Variants in KCNMA1 observed in about 807,000 individuals in gnomAD.
The protein encoded by KCNMA1 is potassium calcium-activated channel subfamily M alpha 1.
A neutral mutation model predicts 140.0 loss-of-function variants in KCNMA1; 29 were observed. The ratio of observed to expected loss-of-function variants is 0.21; its 90% CI spans 0.15 to 0.28. The LOEUF (loss-of-function observed/expected upper bound fraction) is 0.28. KCNMA1 is among the 10% of genes least tolerant of loss of function. KCNMA1 has a pLI of 1.00. For synonymous variants in KCNMA1, 612 were observed against 611.9 expected, an observed-to-expected ratio of 1.00 and a Z score of 0.00; for missense variants, 880 against 1,602.2, an observed-to-expected ratio of 0.55 and a Z score of 7.70.
chr10:77,595,704 T>C (rs927351419), intron 1 of KCNMA1, among the ~76,000 whole-genome samples: 1 of 152,180 alleles, frequency 6.6e-6, no homozygotes, highest in Non-Finnish European at 1.5e-5. Context: ...CTCACTCTGT[T>C]GCCCAGGCTG....
At chr10:77,636,680 GCCCCTCGAAGTC>G (rs1419775591) in intron 1 of KCNMA1, 14 of 1,532,590 alleles carry the variant, frequency 9.1e-6, no homozygotes, top group Non-Finnish European at 1.2e-5. Flanking sequence ...AACTTCTCTC[GCCCCTCGAAGTC>G]CCCCTGTTAT....
intron 19 of KCNMA1, chr10:76,979,992 T>A (rs78718564): frequency 6.6e-6 from 1 of 152,240 alleles, no homozygotes; most frequent in Non-Finnish European, 1.5e-5. Context: ...AATCACCTTC[T>A]ATAGATGTTC....
intron 1 of KCNMA1, among the ~76,000 whole-genome samples, chr10:77,521,897 C>A (rs2053520893): frequency 6.6e-6 from 1 of 152,116 alleles, no homozygotes; most frequent in Non-Finnish European, 1.5e-5. Context: ...ACTCAGGGAC[C>A]AGGCACGGTG....
At chr10:76,906,296 G>T (rs1185304753) in intron 25 of KCNMA1, among the ~76,000 whole-genome samples, 3 of 152,220 alleles carry the variant, frequency 2.0e-5, no homozygotes, top group Non-Finnish European at 4.4e-5. Context: ...TGGTGCGACT[G>T]TGTGCATCAA....
At position 77,596,866 on chromosome 10, in the gene KCNMA1, G is replaced by A. The variant is rs117867325; in HGVS notation, c.378+40399C>T. 1.7e-3 allele frequency among the ~76,000 whole-genome samples: 264 copies of A among 152,268 alleles called. 1 individual carries two copies. The highest frequency in any genetic ancestry group is 3.4e-3 in the Middle Eastern group (1 of 294). On this transcript the variant is annotated intron_variant, in intron 1 of 27. Coordinates refer to ENST00000286628, the MANE Select transcript of KCNMA1 (RefSeq NM_001161352.2). ...GCCAAAAGGCCACACACCTTCCCAC[G>A]GGATGAAGGATTCCAGGGACATCTC...
chr10:77,074,261 A>G (rs183886031), intron 13 of KCNMA1, among the ~76,000 whole-genome samples: 1 of 152,362 alleles, frequency 6.6e-6, no homozygotes, highest in Admixed American at 6.5e-5. Flanking sequence ...GCCATGTGAC[A>G]TTACAGAGAA....
rs2037856744 is a variant in KCNMA1, at chr10:76,887,790, T to C, written c.3462-275A>G. On this transcript the variant is annotated intron_variant, in intron 27 of 27. Transcript: ENST00000286628. ...CAAACTTCGCTTCTCGTGGTCTACA[T>C]GTACCTTTCTATACAAGGTCAAAGT... 9 of 473,916 alleles carry C rather than the reference T, an allele frequency of 1.9e-5. No homozygotes were observed. The South Asian group carries it at 1.9e-4, about 10-fold the overall frequency. The allele number at this position is 473,916 out of a possible 1,614,324, so 29.4% of individuals were successfully genotyped here.
At chr10:77,635,942 A>G (rs1354899975) in intron 1 of KCNMA1, 1 of 163,782 alleles carries the variant, frequency 6.1e-6, no homozygotes, top group African/African-American at 2.4e-5. Context: ...TGGTGTTTTC[A>G]TAGCCAGCCT....
At chr10:77,316,273 C>A (rs566848453) in intron 2 of KCNMA1, among the ~76,000 whole-genome samples, 5 of 152,288 alleles carry the variant, frequency 3.3e-5, no homozygotes, top group African/African-American at 9.6e-5. Context: ...CTGTGCCAAT[C>A]TCAGTCTTCC....
chr10:77,384,670 G>C (rs2095540505), intron 2 of KCNMA1, among the ~76,000 whole-genome samples: 1 of 152,208 alleles, frequency 6.6e-6, no homozygotes. Context: ...CCAAAGGGGA[G>C]GCAATGAAAC....
intron 2 of KCNMA1, among the ~76,000 whole-genome samples, chr10:77,279,045 G>A (rs1361040303): frequency 3.3e-5 from 5 of 152,214 alleles, no homozygotes; most frequent in African/African-American, 1.2e-4. Context: ...GGTTTTTGGG[G>A]GGTGTGTTGT....
intron 29 of KCNMA1, among the ~76,000 whole-genome samples, chr10:76,878,759 T>C (rs758587025): frequency 2.6e-5 from 4 of 152,126 alleles, no homozygotes; most frequent in Non-Finnish European, 5.9e-5. Context: ...GAAAATGGTC[T>C]AGCATCCTCT....
At chr10:77,278,787 G>A (rs181335595) in intron 2 of KCNMA1, among the ~76,000 whole-genome samples, 32 of 152,288 alleles carry the variant, frequency 2.1e-4, no homozygotes, top group Non-Finnish European at 3.2e-4. Context: ...TCATTAAAGC[G>A]TCACAGCTAA....
chr10:77,572,207 T>C (rs2071667894), intron 1 of KCNMA1, among the ~76,000 whole-genome samples: 1 of 152,112 alleles, frequency 6.6e-6, no homozygotes, highest in Non-Finnish European at 1.5e-5. Context: ...TATACACACA[T>C]GATGTGGGCC....
intron 9 of KCNMA1, 63 bp from the exon 10 acceptor site, chr10:77,090,573 C>T (rs2096789490): frequency 9.3e-7 from 1 of 1,078,780 alleles, no homozygotes; most frequent in Non-Finnish European, 1.4e-6. Flanking sequence ...ATCCCACCCC[C>T]TGGCAAGACA....
intron 1 of KCNMA1, among the ~76,000 whole-genome samples, chr10:77,627,968 T>A (rs372489897): frequency 6.6e-6 from 1 of 152,124 alleles, no homozygotes; most frequent in Non-Finnish European, 1.5e-5. Context: ...TCTACTAATC[T>A]ACAAACCTGA....
At chr10:77,371,270 T>G (rs1303866158) in intron 2 of KCNMA1, among the ~76,000 whole-genome samples, 1 of 152,168 alleles carries the variant, frequency 6.6e-6, no homozygotes, top group Non-Finnish European at 1.5e-5. Flanking sequence ...CAGTTGCATA[T>G]GGCCCTGCCT....
In KCNMA1 at chr10:77,364,000, T is replaced by C. The variant is rs1214230212; in HGVS notation, c.540+39862A>G. Among the ~76,000 whole-genome samples, 4 of 152,222 alleles carry C rather than the reference T, an allele frequency of 2.6e-5. No individual in the cohort carries two copies. In the South Asian group the frequency reaches 8.3e-4, roughly 32 times the overall value. On this transcript the variant is annotated intron_variant, in intron 2 of 27. Transcript: ENST00000286628. ...TGAAGCCAGAGAGAATATCTTATTCTCTCGACCAGTTTGCACAATGCCTGA... is the reference window on the plus strand; with the variant it reads ...TGAAGCCAGAGAGAATATCTTATTCCCTCGACCAGTTTGCACAATGCCTGA...
chr10:77,435,358 A>T (rs553795171), intron 1 of KCNMA1, among the ~76,000 whole-genome samples: 31 of 152,348 alleles, frequency 2.0e-4, no homozygotes, highest in African/African-American at 7.0e-4. Context: ...TTTCAAAATA[A>T]ATGCAAAACA....
Sources: gnomAD v4.1 joint callset for allele counts (sites outside exome capture counted in the v4.1 genomes callset) on GRCh38, gnomAD v4.1.1 for gene constraint, MANE v1.5 for transcripts, NCBI Gene and HGNC (gene_info 2026-07-23, HGNC 2026-07-21) for gene names.